KRT78: variants seen among roughly 807,000 people sequenced by gnomAD.
KRT78 encodes keratin 78.
A neutral mutation model predicts 51.4 loss-of-function variants in KRT78; 55 were observed. That is an observed-to-expected ratio of 1.07 (90% CI 0.86 to 1.34). The LOEUF (loss-of-function observed/expected upper bound fraction) is 1.34. KRT78 is among the 40% of genes most tolerant of loss of function. The pLI is 0.00. For synonymous variants in KRT78, 291 were observed against 264.3 expected, an observed-to-expected ratio of 1.10 and a Z score of -0.98; for missense variants, 652 against 649.4, an observed-to-expected ratio of 1.00 and a Z score of -0.04.
chr12:52,843,045 G>A (rs1168086986), intron 6 of KRT78, among the ~76,000 whole-genome samples: 1 of 117,406 alleles, frequency 8.5e-6, no homozygotes, highest in Non-Finnish European at 1.6e-5. Context: ...AGGGAGGGAG[G>A]GAAGGGAGGA....
At position 52,844,187 on chromosome 12, in the gene KRT78, T is replaced by C. The variant is rs1221970779; in HGVS notation, c.953A>G (p.His318Arg). ...TTTCGTTTCCTGCATCCTGTCCCCA[T>C]GAAGCTGGGCAGACACCTGAAGTTC... is the stretch of plus-strand genomic sequence containing the variant. ...YQELQVSAQL[H>R]GDRMQETKVQ... The change falls in exon 6 of 9, where the codon CAT (histidine) becomes CGT (arginine). Residue 318 changes from histidine (H) to arginine (R), a missense_variant. Transcript: ENST00000304620. The C allele has an allele frequency of 2.5e-6, 4 of 1,609,168 alleles. No individual in the cohort carries two copies. The highest frequency in any genetic ancestry group is 1.3e-5 in the African/African-American group (1 of 74,404).
intron 6 of KRT78, among the ~76,000 whole-genome samples, chr12:52,841,834 TG>T (rs1272908121): frequency 1.3e-5 from 2 of 152,198 alleles, no homozygotes; most frequent in Non-Finnish European, 2.9e-5. Context: ...GGCACATTGC[TG>T]TGTGAGGAGC....
At chr12:52,839,509 G>T (rs757348008) in intron 7 of KRT78, 22 bp from the exon 8 acceptor site, 3 of 1,566,708 alleles carry the variant, frequency 1.9e-6, no homozygotes, top group Admixed American at 1.9e-5. Flanking sequence ...AGGACAAGAG[G>T]GGGATGCGCT....
At chr12:52,839,656 C>T (rs1044459215) in intron 7 of KRT78, 108 bp downstream of exon 7, 2 of 1,332,880 alleles carry the variant, frequency 1.5e-6, no homozygotes, top group African/African-American at 1.4e-5. Context: ...TAGCAACTCA[C>T]AATGTCAGGA....
At position 52,848,523 on chromosome 12, in the gene KRT78, G is replaced by A. The variant is rs773795033; in HGVS notation, c.384+24C>T. 4.3e-6 allele frequency: 7 copies of A among 1,611,486 alleles called. No individual in the cohort carries two copies. In the South Asian group the frequency reaches 4.4e-5, roughly 10 times the overall value. On this transcript the variant is annotated intron_variant, in intron 1 of 8. Transcript: ENST00000304620. ...TCCTCCAAGGGAGGCACAGAGACAG[G>A]GGCTTGGCTGAGTTGACCCTCACCT...
chr12:52,844,668 T>C lies in KRT78; in HGVS notation c.812A>G (p.Asp271Gly), dbSNP rs1452899139. 1.2e-6 allele frequency: 2 copies of C among 1,613,956 alleles called. No homozygotes were observed. The highest frequency in any genetic ancestry group is 2.2e-5 in the East Asian group (1 of 44,884). The change falls in exon 5 of 9, where the codon GAC (aspartate) becomes GGC (glycine). Residue 271 changes from aspartate (D) to glycine (G), a missense_variant. Asp to Gly is a moderately conservative substitution (Grantham distance 94). Coordinates refer to ENST00000304620, the MANE Select transcript of KRT78 (RefSeq NM_173352.4). ...GCTGAAGTCCAGGTAGCGGTTGTTG[T>C]CCATGGACAGCACCACAGACGTGTC... ...ASDTSVVLSM[D>G]NNRYLDFSSI...
In KRT78 at chr12:52,848,959, G is replaced by C. The variant is rs774269693; in HGVS notation, c.-29C>G. The C allele has an allele frequency of 1.6e-5, 24 of 1,512,890 alleles. No homozygotes were observed. In the East Asian group the frequency reaches 5.4e-4, roughly 34 times the overall value. 93.7% of individuals were successfully genotyped at this position (1,512,890 alleles called of 1,614,324 possible). A position where few individuals can be genotyped will look rare whatever the true frequency, so the allele number is the denominator to read the frequency against. On this transcript the variant is annotated 5_prime_UTR_variant, in exon 1 of 9. Transcript: ENST00000304620. ...AGAGACAGACAGTCACGCAGCTGCA[G>C]ACGGACAGACAGATTGTCAAGGTGT... is the stretch of plus-strand genomic sequence containing the variant.
chr12:52,848,363 C>A, intron 1 of KRT78, 184 bp downstream of exon 1: 1 of 1,418,818 alleles, frequency 7.0e-7, no homozygotes, highest in South Asian at 1.3e-5. Context: ...GAGCCCCAAT[C>A]ATGGAACAAC....
intron 7 of KRT78, 101 bp downstream of exon 7, chr12:52,839,663 A>G: frequency 1.5e-6 from 2 of 1,352,972 alleles, no homozygotes; most frequent in Non-Finnish European, 2.1e-6. Context: ...TCACAATGTC[A>G]GGAAATCTCT....
intron 5 of KRT78, 115 bp from the exon 6 acceptor site, chr12:52,844,333 G>A (rs779942494): frequency 1.5e-5 from 20 of 1,296,034 alleles, no homozygotes; most frequent in Non-Finnish European, 2.0e-5. Context: ...TTAAACGCCT[G>A]AGCCAGGACA....
At position 52,839,818 on chromosome 12, in the gene KRT78, GA is replaced by G. The variant is rs756884896; in HGVS notation, c.1213del (p.Ser405ProfsTer68). 2 of 1,613,928 alleles carry G rather than the reference GA, an allele frequency of 1.2e-6. No homozygotes were observed. The highest frequency in any genetic ancestry group is 1.7e-6 in the Non-Finnish European group (2 of 1,180,012). On this transcript the variant is annotated frameshift_variant, in exon 7 of 9. Coordinates refer to ENST00000304620, the MANE Select transcript of KRT78 (RefSeq NM_173352.4). LOFTEE classifies it high-confidence loss of function. ...EYQELTSTKL[S>X]LDVEIATYRR... ...GTAAGTGGCAATCTCCACATCCAGGGAAAGCTTCGTGCTCGTCAGCTCCTGG... is the reference window on the plus strand; with the variant it reads ...GTAAGTGGCAATCTCCACATCCAGGGAAGCTTCGTGCTCGTCAGCTCCTGG...
intron 6 of KRT78, among the ~76,000 whole-genome samples, chr12:52,841,003 C>T (rs916405499): frequency 2.0e-5 from 3 of 152,160 alleles, no homozygotes; most frequent in Non-Finnish European, 4.4e-5. Flanking sequence ...TTCCCTATTT[C>T]TTCCCACCCC....
At chr12:52,845,148 T>C (rs763628891) in intron 4 of KRT78, among the ~76,000 whole-genome samples, 1 of 151,974 alleles carries the variant, frequency 6.6e-6, no homozygotes, top group Non-Finnish European at 1.5e-5. Flanking sequence ...CCCTAGTAGC[T>C]GGGATTACAA....
chr12:52,848,083 C>A lies in KRT78; in HGVS notation c.423G>T (p.Thr141=), dbSNP rs116002883. 1.1e-5 allele frequency: 18 copies of A among 1,614,046 alleles called. No individual in the cohort carries two copies. Among genetic ancestry groups the A allele is most frequent in the African/African-American group, 5.3e-5 (4 of 74,906 alleles). The part of the protein sequence containing the change: ...FLEQQNKVLE[T]KWHLLQQQGL... ...CCTGTTGCTGCAGCAGATGCCACTT[C>A]GTCTCCAGGACCTTGTTCTGCTGCT... is the stretch of plus-strand genomic sequence containing the variant. Residue 141 remains threonine, a synonymous_variant, in exon 2 of 9, where the codon ACG becomes ACT. Transcript: ENST00000304620.
At chr12:52,841,357 C>T (rs1222324631) in intron 6 of KRT78, among the ~76,000 whole-genome samples, 1 of 151,652 alleles carries the variant, frequency 6.6e-6, no homozygotes, top group Non-Finnish European at 1.5e-5. Flanking sequence ...CATGGTGGCA[C>T]ACACCTGTAG....
chr12:52,841,019 C>T (rs1592143761), intron 6 of KRT78, among the ~76,000 whole-genome samples: 1 of 152,148 alleles, frequency 6.6e-6, no homozygotes, highest in Non-Finnish European at 1.5e-5. Context: ...ACCCCCAGCC[C>T]TCGGCACCTC....
In KRT78 at chr12:52,839,613, C is replaced by T. The variant is rs1264018283; in HGVS notation, c.1269-126G>A. Reference sequence around the variant, plus strand: ...AGCAGATAAAATCCACAGTCTCCAACTTAAAATCCCTCTCTGCAGCGTCGG... The same window carrying T: ...AGCAGATAAAATCCACAGTCTCCAATTTAAAATCCCTCTCTGCAGCGTCGG... On this transcript the variant is annotated intron_variant, in intron 7 of 8. Transcript: ENST00000304620. 10 of 1,290,430 alleles carry T rather than the reference C, an allele frequency of 7.7e-6. No homozygotes were observed. In the African/African-American group the frequency reaches 1.5e-4, roughly 19 times the overall value. 79.9% of individuals were successfully genotyped at this position (1,290,430 alleles called of 1,614,324 possible). A position where few individuals can be genotyped will look rare whatever the true frequency, so the allele number is the denominator to read the frequency against.
At chr12:52,848,336 G>A in intron 1 of KRT78, 1 of 1,480,726 alleles carries the variant, frequency 6.8e-7, no homozygotes, top group South Asian at 1.2e-5. Flanking sequence ...CCCGCTGGCT[G>A]GCAGTTCTCT....
chr12:52,844,318 G>A, intron 5 of KRT78, 100 bp from the exon 6 acceptor site: 1 of 1,415,344 alleles, frequency 7.1e-7, no homozygotes, highest in Non-Finnish European at 9.5e-7. Context: ...TATTTGGAGT[G>A]TGGGTTAAAC....
Sources: allele counts gnomAD v4.1 joint callset (sites outside exome capture counted in the v4.1 genomes callset), GRCh38; gene constraint gnomAD v4.1.1; transcripts MANE v1.5; gene names NCBI Gene and HGNC (gene_info 2026-07-23, HGNC 2026-07-21).